Variants in PCCA observed in about 807,000 individuals in gnomAD.
PCCA encodes the protein propionyl-CoA carboxylase subunit alpha.
In PCCA, 74 loss-of-function variants were observed where a neutral mutation model predicts 101.3. The ratio of observed to expected loss-of-function variants is 0.73; its 90% confidence interval spans 0.61 to 0.89. The LOEUF is 0.89. Ranked by LOEUF, PCCA falls within the 40% of genes least tolerant of loss-of-function variation. The pLI is 0.00. For synonymous variants in PCCA, 294 were observed against 313.6 expected (o/e 0.94, Z 0.66); for missense variants, 891 against 907.0 (o/e 0.98, Z 0.23).
At chr13:100,490,251 T>C (rs1049080335) in intron 21 of PCCA, 1 of 152,238 alleles carries the variant, frequency 6.6e-6, no homozygotes, top group Non-Finnish European at 1.5e-5. Flanking sequence ...GTAGTATCAC[T>C]AGGTAGCTTC....
At chr13:100,197,366 AT>A (rs943048612) in intron 6 of PCCA, among the ~76,000 whole-genome samples, 2 of 151,198 alleles carry the variant, frequency 1.3e-5, no homozygotes, top group East Asian at 2.0e-4. Flanking sequence ...TAATTTTTAA[AT>A]TTTTTTTTGT....
chr13:100,331,789 G>A (rs562087034), intron 17 of PCCA, among the ~76,000 whole-genome samples: 1 of 151,134 alleles, frequency 6.6e-6, no homozygotes, highest in Non-Finnish European at 1.5e-5. Flanking sequence ...TTTAATATTT[G>A]TTGGTTTAAT....
intron 18 of PCCA, among the ~76,000 whole-genome samples, chr13:100,343,411 A>G (rs1056937766): frequency 1.3e-5 from 2 of 152,244 alleles, no homozygotes; most frequent in Non-Finnish European, 2.9e-5. Context: ...AAAAAGTGGC[A>G]TATCCATACT....
chr13:100,432,761 G>A (rs1309941188), intron 20 of PCCA, among the ~76,000 whole-genome samples: 1 of 152,166 alleles, frequency 6.6e-6, no homozygotes, highest in Non-Finnish European at 1.5e-5. Flanking sequence ...CCACTAGGGT[G>A]CAAGCAGTGT....
At chr13:100,332,155 A>C (rs1396903700) in intron 17 of PCCA, among the ~76,000 whole-genome samples, 1 of 151,932 alleles carries the variant, frequency 6.6e-6, no homozygotes, top group Non-Finnish European at 1.5e-5. Flanking sequence ...GCCAGGCTTG[A>C]ACTCGAACTC....
At chr13:100,193,630 G>C (rs577045187) in intron 6 of PCCA, among the ~76,000 whole-genome samples, 83 of 152,220 alleles carry the variant, frequency 5.5e-4, no homozygotes, top group African/African-American at 2.0e-3. Context: ...GTTTCCTACA[G>C]ATAAACAAAT....
At chr13:100,452,027 C>T (rs1324542157) in intron 21 of PCCA, among the ~76,000 whole-genome samples, 1 of 120,130 alleles carries the variant, frequency 8.3e-6, no homozygotes, top group South Asian at 2.9e-4. Context: ...TCCCTCCTCT[C>T]CCTCTCTCCT....
intron 16 of PCCA, among the ~76,000 whole-genome samples, chr13:100,316,433 C>G (rs1483540113): frequency 6.6e-6 from 1 of 152,064 alleles, no homozygotes; most frequent in African/African-American, 2.4e-5. Flanking sequence ...TATTTGCTTT[C>G]AATTCCTTTG....
chr13:100,376,456 C>T (rs558177996), intron 19 of PCCA, among the ~76,000 whole-genome samples: 5 of 152,326 alleles, frequency 3.3e-5, no homozygotes, highest in African/African-American at 1.2e-4. Context: ...CACAGCTGCC[C>T]CTTCCCCCAG....
intron 19 of PCCA, 117 bp from the exon 20 acceptor site, chr13:100,425,516 G>A (rs2079080848): frequency 1.3e-6 from 1 of 740,946 alleles, no homozygotes; most frequent in Non-Finnish European, 2.4e-6. Flanking sequence ...CAGTAAACAT[G>A]ACAGGTTGTT....
intron 6 of PCCA, among the ~76,000 whole-genome samples, chr13:100,194,845 G>A (rs2058006000): frequency 6.6e-6 from 1 of 152,182 alleles, no homozygotes; most frequent in Non-Finnish European, 1.5e-5. Flanking sequence ...TGAGGCATGA[G>A]CAGGAAGGGG....
At chr13:100,119,110 C>A (rs1285815044) in intron 4 of PCCA, among the ~76,000 whole-genome samples, 1 of 151,992 alleles carries the variant, frequency 6.6e-6, no homozygotes, top group East Asian at 1.9e-4. Context: ...TTACATTTGT[C>A]TTGTTTGCTG....
chr13:100,133,143 C>T (rs538201558), intron 4 of PCCA, among the ~76,000 whole-genome samples: 2 of 152,128 alleles, frequency 1.3e-5, no homozygotes, highest in Non-Finnish European at 2.9e-5. Context: ...TTGCATTTGC[C>T]TAATGGTTAA....
intron 1 of PCCA, among the ~76,000 whole-genome samples, chr13:100,099,057 C>T (rs2047027763): frequency 6.6e-6 from 1 of 152,114 alleles, no homozygotes; most frequent in Non-Finnish European, 1.5e-5. Context: ...TTGGTGAGAT[C>T]ATTTTATAGC....
At position 100,194,914 on chromosome 13, in the gene PCCA, C is replaced by A. The variant is rs2058010187; in HGVS notation, c.469-14418C>A. Reference sequence around the variant, plus strand: ...GCTAAGTGAAGTGTTATCAAATCTTCATTTTTTTGCTTATACTGTAAAATT... The same window carrying A: ...GCTAAGTGAAGTGTTATCAAATCTTAATTTTTTTGCTTATACTGTAAAATT... On this transcript the variant is annotated intron_variant, in intron 6 of 23. Transcript: ENST00000376285. 1.3e-5 allele frequency among the ~76,000 whole-genome samples: 2 copies of A among 152,054 alleles called. 1 individual carries two copies. Among genetic ancestry groups the A allele is most frequent in the Admixed American group, 1.3e-4 (2 of 15,250 alleles).
intron 18 of PCCA, among the ~76,000 whole-genome samples, chr13:100,348,775 T>TTCCTTCCTTCCTTC (rs1566976345): frequency 2.2e-5 from 2 of 90,102 alleles, no homozygotes; most frequent in Non-Finnish European, 4.7e-5. Context: ...TTTCTTTCTT[T>TTCCTTCCTTCCTTC]CTTTCTTTCT....
chr13:100,121,484 T>C (rs1329076489), intron 4 of PCCA, among the ~76,000 whole-genome samples: 24 of 139,718 alleles, frequency 1.7e-4, no homozygotes, highest in South Asian at 9.1e-4. Flanking sequence ...TTTTTTTTTT[T>C]TCTCTCTTGA....
chr13:100,259,421 G>A (rs373430203), intron 9 of PCCA, among the ~76,000 whole-genome samples: 2 of 134,558 alleles, frequency 1.5e-5, no homozygotes, highest in African/African-American at 5.5e-5. Flanking sequence ...TGCAATATCC[G>A]CCTCCTGGGT....
chr13:100,100,212 A>C (rs1271583551), intron 1 of PCCA, among the ~76,000 whole-genome samples: 1 of 152,188 alleles, frequency 6.6e-6, no homozygotes, highest in African/African-American at 2.4e-5. Context: ...AGTTGACCCA[A>C]GTCTTGTGAC....
Sources: allele counts gnomAD v4.1 joint callset (sites outside exome capture counted in the v4.1 genomes callset), GRCh38; gene constraint gnomAD v4.1.1; transcripts MANE v1.5; gene names NCBI Gene and HGNC (gene_info 2026-07-23, HGNC 2026-07-21).